Variants in CEP43 observed in about 807,000 individuals in gnomAD.
CEP43 encodes the protein centrosomal protein 43.
In CEP43, 36 loss-of-function variants were observed where a neutral mutation model predicts 52.6. The observed-to-expected ratio is 0.68, with a 90% CI of 0.52 to 0.90. The LOEUF (loss-of-function observed/expected upper bound fraction) is 0.90. CEP43 is among the 40% of genes least tolerant of loss of function. The probability of loss-of-function intolerance (pLI) is 0.00; values close to 1 mark genes in which losing one functional copy is unlikely to be tolerated. For missense variants in CEP43, 506 were observed against 472.8 expected, an observed-to-expected ratio of 1.07 and a Z score of -0.65; for synonymous variants, 192 against 172.4, an observed-to-expected ratio of 1.11 and a Z score of -0.89.
rs545075756 is a variant in CEP43 at position 167,000,074 on chromosome 6, A to G, written c.117A>G (p.Ala39=). ...TTTTTTTTAAGGCTGAACTCCGAGC[A>G]GCTGTGTTTTTAGCACTAGAGGAGC... The part of the protein sequence containing the change: ...VLNRIKAELR[A]AVFLALEEQE... The change falls in exon 2 of 13, where the codon GCA becomes GCG. Residue 39 remains alanine (A), a synonymous_variant. Transcript: ENST00000366847. The G allele has an allele frequency of 5.5e-4, 894 of 1,612,960 alleles. 14 individuals carry two copies. The South Asian group carries it at 9.2e-3, about 17-fold the overall frequency.
chr6:167,044,914 G>A lies in CEP43; in HGVS notation c.*4936G>A, dbSNP rs1465907289. 6.6e-6 allele frequency: 1 copy of A among 152,582 alleles called. No homozygotes were observed. Among genetic ancestry groups the A allele is most frequent in the Non-Finnish European group, 1.5e-5 (1 of 68,320 alleles). The allele number at this position is 152,582 out of a possible 1,614,324, so 9.5% of individuals were successfully genotyped here. A position where few individuals can be genotyped will look rare whatever the true frequency, so the allele number is the denominator to read the frequency against. The stretch of plus-strand genomic sequence containing the variant: ...CCGGGGAAGAGGAGAGGGCATGCCT[G>A]GGGCCTGAGCTTAGTGGGCCGGGTG... On this transcript the variant is annotated 3_prime_UTR_variant, in exon 13 of 13. Transcript: ENST00000366847.
At chr6:167,028,180 C>T (rs1332835440) in intron 10 of CEP43, 1 of 985,306 alleles carries the variant, frequency 1.0e-6, no homozygotes, top group Non-Finnish European at 1.2e-6. Context: ...TGGTGTTTCA[C>T]TCTGTTGCCA....
At chr6:166,999,669 C>T (rs1779680836) in intron 1 of CEP43, 155 bp downstream of exon 1, 4 of 505,162 alleles carry the variant, frequency 7.9e-6, no homozygotes, top group Non-Finnish European at 1.3e-5. Flanking sequence ...CCGTCCTGCC[C>T]GCCCCACAGA....
Position 167,013,187 on chromosome 6 carries a change from C to T in CEP43, c.520-321C>T, listed in dbSNP as rs114669994. Among the ~76,000 whole-genome samples, 496 of 152,226 alleles carry T rather than the reference C, an allele frequency of 3.3e-3. 4 individuals are homozygous for T. Among genetic ancestry groups the T allele is most frequent in the African/African-American group, 0.012 (478 of 41,526 alleles). On this transcript the variant is annotated intron_variant, in intron 6 of 12. Coordinates refer to ENST00000366847, the MANE Select transcript of CEP43 (RefSeq NM_007045.4). ...CAGGACAAGTCTTCAAGGAAGTTGCCTAGGAACTCAAGTGAGGCTTATTTA... is the reference window on the plus strand; with the variant it reads ...CAGGACAAGTCTTCAAGGAAGTTGCTTAGGAACTCAAGTGAGGCTTATTTA...
chr6:167,034,380 A>C (rs1386853985), intron 12 of CEP43, among the ~76,000 whole-genome samples: 1 of 152,222 alleles, frequency 6.6e-6, no homozygotes, highest in African/African-American at 2.4e-5. Context: ...TGACATCTGA[A>C]CAGGCAAGCC....
At chr6:167,036,288 G>A (rs958197007) in intron 12 of CEP43, 5 of 985,392 alleles carry the variant, frequency 5.1e-6, no homozygotes, top group East Asian at 1.1e-4. Context: ...GGGAGATCCC[G>A]GGACATGTCA....
chr6:167,017,508 A>G (rs1197228734), intron 7 of CEP43, among the ~76,000 whole-genome samples: 1 of 152,030 alleles, frequency 6.6e-6, no homozygotes, highest in Non-Finnish European at 1.5e-5. Flanking sequence ...ACTGTATTGC[A>G]TGAATTTTTT....
chr6:167,044,725 C>A lies in CEP43; in HGVS notation c.*4747C>A. On this transcript the variant is annotated 3_prime_UTR_variant, in exon 13 of 13. Coordinates refer to ENST00000366847, the MANE Select transcript of CEP43 (RefSeq NM_007045.4). ...ATCCGACTTTGCGTTGTGGCCCTGC[C>A]TGCAGAAACGTGTGCTCTGCTACAG... 4.7e-6 allele frequency: 1 copy of A among 211,968 alleles called. No individual in the cohort carries two copies. The highest frequency in any genetic ancestry group is 8.2e-6 in the Non-Finnish European group (1 of 122,584). The allele number at this position is 211,968 out of a possible 1,614,324, so 13.1% of individuals were successfully genotyped here.
At chr6:167,031,325 A>G (rs1780466217) in intron 10 of CEP43, among the ~76,000 whole-genome samples, 1 of 152,028 alleles carries the variant, frequency 6.6e-6, no homozygotes, top group Non-Finnish European at 1.5e-5. Context: ...TCTGCAACCT[A>G]GGTTTCCACT....
In CEP43 at chr6:167,022,666, AG is replaced by A. The variant is rs1410479066; in HGVS notation, c.806+35del. 26 of 1,370,810 alleles carry A rather than the reference AG, an allele frequency of 1.9e-5. No homozygotes were observed. The Admixed American group carries it at 4.6e-4, about 24-fold the overall frequency. 84.9% of individuals were successfully genotyped at this position (1,370,810 alleles called of 1,614,324 possible). On this transcript the variant is annotated intron_variant, in intron 8 of 12. Transcript: ENST00000366847. ...TAAATGGTTTTTGAGCTATGAGACTAGGGGTTTAAAAATAAGATAAATGTTT... is the reference window on the plus strand; with the variant it reads ...TAAATGGTTTTTGAGCTATGAGACTAGGGTTTAAAAATAAGATAAATGTTT...
rs538305082 is a variant in CEP43 at position 167,005,922 on chromosome 6, A to C, written c.438+1521A>C. Among the ~76,000 whole-genome samples, 28 of 152,010 alleles carry C rather than the reference A, an allele frequency of 1.8e-4. 2 individuals carry two copies. Among genetic ancestry groups the C allele is most frequent in the Admixed American group, 1.6e-3 (25 of 15,262 alleles). ...CCTCATTGCAGTGGTGTTTATGCAT[A>C]TTTTTCTGTCTAGATTGATCTTTCT... On this transcript the variant is annotated intron_variant, in intron 5 of 12. Transcript: ENST00000366847.
chr6:167,040,788 G>T lies in CEP43; in HGVS notation c.*810G>T, dbSNP rs886710354. The T allele has an allele frequency of 6.9e-6, 7 of 1,014,604 alleles. No individual in the cohort carries two copies. Among genetic ancestry groups the T allele is most frequent in the African/African-American group, 3.4e-5 (2 of 58,608 alleles). 62.9% of individuals were successfully genotyped at this position (1,014,604 alleles called of 1,614,324 possible). ...ACCATTAAGCAGTGCTTTTATTTCA[G>T]ATCTGTAAGTTAATTGTATTAAAAT... On this transcript the variant is annotated 3_prime_UTR_variant, in exon 13 of 13. Coordinates refer to ENST00000366847, the MANE Select transcript of CEP43 (RefSeq NM_007045.4).
At position 167,013,521 on chromosome 6, in the gene CEP43, A is replaced by G; in HGVS notation, c.533A>G (p.Lys178Arg). The G allele has an allele frequency of 2.5e-6, 4 of 1,613,432 alleles. No homozygotes were observed. The highest frequency in any genetic ancestry group is 3.4e-6 in the Non-Finnish European group (4 of 1,179,498). ...QTTPSKIPRY[K>R]GQGKKKTSGQ... The stretch of plus-strand genomic sequence containing the variant: ...TCTCATGCTCAGATACCAAGGTATA[A>G]AGGACAAGGTAAGAAGAAGACAAGC... The change falls in exon 7 of 13, where the codon AAA (lysine) becomes AGA (arginine). Residue 178 changes from lysine to arginine, a missense_variant. Physicochemically the swap from Lys to Arg is conservative, Grantham distance 26. Transcript: ENST00000366847.
chr6:167,006,136 G>T (rs1479055382), intron 5 of CEP43, among the ~76,000 whole-genome samples: 1 of 152,232 alleles, frequency 6.6e-6, no homozygotes, highest in Non-Finnish European at 1.5e-5. Context: ...AGCAAGATGT[G>T]TGAAGCTTTG....
chr6:167,032,529 A>G (rs1279010036), intron 10 of CEP43, 74 bp from the exon 11 acceptor site: 11 of 1,349,892 alleles, frequency 8.1e-6, no homozygotes, highest in Non-Finnish European at 1.1e-5. Context: ...ATTTTTTTTA[A>G]GGAAATGTGT....
chr6:167,045,363 C>CCA lies in CEP43; in HGVS notation c.*5386_*5387insAC, dbSNP rs1554277474. 1 of 150,350 alleles carries CCA rather than the reference C, an allele frequency of 6.7e-6. No homozygotes were observed. Among genetic ancestry groups the CCA allele is most frequent in the East Asian group, 2.0e-4 (1 of 5,050 alleles). The allele number at this position is 150,350 out of a possible 1,614,324, so 9.3% of individuals were successfully genotyped here. On this transcript the variant is annotated 3_prime_UTR_variant, in exon 13 of 13. Transcript: ENST00000366847. ...TGGTGATCCGCACCCCTCCCCGCCC[C>CCA]CCCCGCGGCCCAGCCTCCCAAAGTG...
At chr6:167,031,495 T>G in intron 10 of CEP43, among the ~76,000 whole-genome samples, 1 of 152,242 alleles carries the variant, frequency 6.6e-6, no homozygotes, top group East Asian at 1.9e-4. Context: ...GTTGATAAAT[T>G]AATCATATGA....
chr6:167,029,336 G>A (rs1369158392), intron 10 of CEP43, among the ~76,000 whole-genome samples: 4 of 152,268 alleles, frequency 2.6e-5, no homozygotes, highest in Non-Finnish European at 5.9e-5. Flanking sequence ...AAGTAATGTA[G>A]TACAGGTTGA....
intron 5 of CEP43, among the ~76,000 whole-genome samples, chr6:167,005,284 T>C (rs893038674): frequency 3.3e-5 from 5 of 152,196 alleles, no homozygotes; most frequent in African/African-American, 9.7e-5. Flanking sequence ...AGATAAAATA[T>C]AAGAAACTTC....
Sources: allele counts gnomAD v4.1 joint callset (sites outside exome capture counted in the v4.1 genomes callset), GRCh38; gene constraint gnomAD v4.1.1; transcripts MANE v1.5; gene names NCBI Gene and HGNC (gene_info 2026-07-23, HGNC 2026-07-21).